The following NCKAP1 variants were observed in gnomAD, a reference collection of about 807,000 sequenced individuals.
NCKAP1 encodes the protein nck-associated protein 1.
In NCKAP1, 21 loss-of-function variants were observed where a neutral mutation model predicts 151.2. That is an observed-to-expected ratio of 0.14 (90% CI 0.10 to 0.20). The LOEUF is 0.20. NCKAP1 is among the 10% of genes least tolerant of loss of function. The pLI, the probability that NCKAP1 is intolerant of heterozygous loss-of-function variation, is 1.00. For missense variants in NCKAP1, 933 were observed against 1,352.1 expected (o/e 0.69, Z 4.86); for synonymous variants, 484 against 451.8 (o/e 1.07, Z -0.90).
chr2:183,015,690 T>C (rs1050906321), intron 2 of NCKAP1, among the ~76,000 whole-genome samples: 3 of 151,776 alleles, frequency 2.0e-5, no homozygotes, highest in African/African-American at 7.3e-5. Flanking sequence ...GCCCAAAGTG[T>C]GACAATGGAA....
chr2:182,932,197 T>C (rs1021237094), intron 26 of NCKAP1, among the ~76,000 whole-genome samples: 9 of 152,188 alleles, frequency 5.9e-5, no homozygotes, highest in Non-Finnish European at 1.2e-4. Flanking sequence ...GTGTTTCTAA[T>C]AGCTAAGAAG....
At chr2:182,934,955 G>A in intron 25 of NCKAP1, 123 bp from the exon 26 acceptor site, 1 of 565,530 alleles carries the variant, frequency 1.8e-6, no homozygotes, top group African/African-American at 1.9e-5. Flanking sequence ...TCTACTTTCA[G>A]TGATTTTTCA....
intron 19 of NCKAP1, 60 bp downstream of exon 19, chr2:182,957,397 A>G (rs1018744959): frequency 6.6e-7 from 1 of 1,524,826 alleles, no homozygotes; most frequent in Non-Finnish European, 8.8e-7. Context: ...ATGTCAATAG[A>G]AAAAAATGAA....
chr2:182,938,655 T>C (rs548958341), intron 24 of NCKAP1, among the ~76,000 whole-genome samples: 2 of 152,204 alleles, frequency 1.3e-5, no homozygotes, highest in Non-Finnish European at 2.9e-5. Flanking sequence ...TAAAAAGTGT[T>C]ATTTCACAAG....
chr2:182,935,595 T>TG (rs1304661590), intron 24 of NCKAP1: 3 of 327,262 alleles, frequency 9.2e-6, no homozygotes, highest in Non-Finnish European at 1.6e-5. Context: ...TTCCATCAAA[T>TG]GGAGTATATT....
At chr2:182,949,695 G>A (rs759622788) in intron 23 of NCKAP1, among the ~76,000 whole-genome samples, 11 of 152,198 alleles carry the variant, frequency 7.2e-5, no homozygotes, top group Non-Finnish European at 1.5e-4. Context: ...TCAGGAGGCT[G>A]AGGTGACAGA....
intron 8 of NCKAP1, among the ~76,000 whole-genome samples, chr2:182,994,571 G>A (rs1434011255): frequency 2.0e-5 from 3 of 151,854 alleles, no homozygotes; most frequent in Non-Finnish European, 4.4e-5. Context: ...CCCAGGAGGC[G>A]GAGGTTGCAG....
At chr2:183,030,644 T>C (rs575399650) in intron 1 of NCKAP1, among the ~76,000 whole-genome samples, 1 of 152,198 alleles carries the variant, frequency 6.6e-6, no homozygotes, top group South Asian at 2.1e-4. Flanking sequence ...ACACCACACG[T>C]TTTGCAAAAT....
intron 23 of NCKAP1, among the ~76,000 whole-genome samples, chr2:182,948,709 A>G (rs1033266327): frequency 1.3e-5 from 2 of 152,230 alleles, no homozygotes; most frequent in African/African-American, 4.8e-5. Flanking sequence ...TTCACAAAAT[A>G]TAAGATGTGG....
chr2:182,959,521 T>C (rs1318246677), intron 18 of NCKAP1, among the ~76,000 whole-genome samples: 2 of 152,182 alleles, frequency 1.3e-5, no homozygotes, highest in East Asian at 3.8e-4. Flanking sequence ...CAAAAGGCCT[T>C]TGACAAAATT....
At chr2:183,026,179 C>G (rs938816155) in intron 1 of NCKAP1, among the ~76,000 whole-genome samples, 1 of 152,158 alleles carries the variant, frequency 6.6e-6, no homozygotes, top group Admixed American at 6.5e-5. Context: ...CAGTGGCTCA[C>G]GCCTGTAATT....
intron 8 of NCKAP1, among the ~76,000 whole-genome samples, chr2:182,989,726 G>T (rs1698129583): frequency 6.7e-6 from 1 of 150,160 alleles, no homozygotes; most frequent in Non-Finnish European, 1.5e-5. Flanking sequence ...TTTTTTTAAT[G>T]GCCAGGTGCT....
rs199635950 is a variant in NCKAP1 at position 182,930,687 on chromosome 2, C to T, written c.2953+8G>A. On this transcript the variant is annotated splice_region_variant and intron_variant, in intron 27 of 30. Coordinates refer to ENST00000361354, the MANE Select transcript of NCKAP1 (RefSeq NM_013436.5). ...TAAGAGTATTAAATATTTACTAATG[C>T]ATTTTACCCGATTTTTGTGAAGAAA... is the stretch of plus-strand genomic sequence containing the variant. 2.4e-5 allele frequency: 39 copies of T among 1,608,326 alleles called. 1 individual carries two copies. Among genetic ancestry groups the T allele is most frequent in the East Asian group, 1.8e-4 (8 of 44,790 alleles).
At chr2:182,928,947 A>T (rs1334843017) in intron 27 of NCKAP1, 48 bp from the exon 28 acceptor site, 5 of 1,263,254 alleles carry the variant, frequency 4.0e-6, no homozygotes, top group Non-Finnish European at 5.6e-6. Context: ...CTTCAAGATT[A>T]GTTAAGATTT....
chr2:182,927,976 AAAAT>A (rs1696683082), intron 29 of NCKAP1, 137 bp downstream of exon 29: 1 of 566,064 alleles, frequency 1.8e-6, no homozygotes, highest in Admixed American at 3.6e-5. Context: ...TATACCTGAG[AAAAT>A]AATTTGAAAA....
At chr2:182,967,175 T>C in intron 16 of NCKAP1, 41 bp downstream of exon 16, 1 of 1,562,668 alleles carries the variant, frequency 6.4e-7, no homozygotes, top group South Asian at 1.2e-5. Flanking sequence ...TATCGCATAC[T>C]AAAACTTTCA....
intron 2 of NCKAP1, among the ~76,000 whole-genome samples, chr2:183,013,158 TTC>T (rs931596368): frequency 8.6e-5 from 13 of 151,958 alleles, no homozygotes; most frequent in African/African-American, 1.2e-4. Context: ...TTCCATTCCT[TTC>T]TCTCTCTCTC....
At position 182,919,570 on chromosome 2, in the gene NCKAP1, CAT is replaced by C. The variant is rs1050159170; in HGVS notation, c.*6130_*6131del. Reference sequence around the variant, plus strand: ...TCTATATGTAACTTGGAGTGAAACTCATGTGTTTTATACATTGAATGCTATCA... The same window carrying C: ...TCTATATGTAACTTGGAGTGAAACTCGTGTTTTATACATTGAATGCTATCA... On this transcript the variant is annotated 3_prime_UTR_variant, in exon 31 of 31. Transcript: ENST00000361354. The C allele has an allele frequency of 6.6e-6, 1 of 151,036 alleles. No individual in the cohort carries two copies. Among genetic ancestry groups the C allele is most frequent in the African/African-American group, 2.4e-5 (1 of 41,076 alleles). The allele number at this position is 151,036 out of a possible 1,614,324, so 9.4% of individuals were successfully genotyped here. A position where few individuals can be genotyped will look rare whatever the true frequency, so the allele number is the denominator to read the frequency against.
rs551419549 is a variant in NCKAP1 at position 183,023,669 on chromosome 2, A to T, written c.219+137T>A. 1,181 of 590,942 alleles carry T rather than the reference A, an allele frequency of 2.0e-3. 2 individuals carry two copies. The highest frequency in any genetic ancestry group is 6.9e-3 in the South Asian group (217 of 31,662). The allele number at this position is 590,942 out of a possible 1,614,324, so 36.6% of individuals were successfully genotyped here. On this transcript the variant is annotated intron_variant, in intron 2 of 30. Coordinates refer to ENST00000361354, the MANE Select transcript of NCKAP1 (RefSeq NM_013436.5). ...TCGGACATAAGAATATTGTCTCAAA[A>T]AAACCCTTAAGGTATATAATCTGTA...
Sources: allele counts gnomAD v4.1 joint callset (sites outside exome capture counted in the v4.1 genomes callset), GRCh38; gene constraint gnomAD v4.1.1; transcripts MANE v1.5; gene names NCBI Gene and HGNC (gene_info 2026-07-23, HGNC 2026-07-21).